The following PEX5 variants were observed in gnomAD, a reference collection of about 807,000 sequenced individuals.
The protein encoded by PEX5 is peroxisomal biogenesis factor 5, also known as PTS1 receptor.
Under a neutral mutation model 82.9 loss-of-function variants are expected in PEX5, and 52 were observed. The ratio of observed to expected loss-of-function variants is 0.63; its 90% CI spans 0.50 to 0.79. PEX5 has a LOEUF of 0.79. Ranked by LOEUF, PEX5 falls within the 30% of genes least tolerant of loss-of-function variation. The probability of loss-of-function intolerance (pLI) is 0.00; values close to 1 mark genes in which losing one functional copy is unlikely to be tolerated. For synonymous variants in PEX5, 300 were observed against 318.8 expected (o/e 0.94, Z 0.63); for missense variants, 719 against 815.2 (o/e 0.88, Z 1.44).
chr12:7,197,327 C>T (rs547218865), intron 5 of PEX5, among the ~76,000 whole-genome samples: 14 of 33,910 alleles, frequency 4.1e-4, no homozygotes, highest in South Asian at 3.3e-3. Context: ...ATGTCATATA[C>T]AATGTAATAA....
At chr12:7,191,728 T>C (rs1941166745) in intron 5 of PEX5, 28 bp downstream of exon 5, 5 of 1,605,148 alleles carry the variant, frequency 3.1e-6, no homozygotes, top group East Asian at 2.2e-5. Flanking sequence ...AAAATCTATA[T>C]TGGCTTCTAT....
rs1344746933 is a variant in PEX5, at chr12:7,210,748, G to A, written c.*525G>A. ...TTTGGCTGAGCAGAGCTGAGTTTTG[G>A]TAGGAGTGCTCATGGTTCTGTCATT... On this transcript the variant is annotated 3_prime_UTR_variant, in exon 16 of 16. Coordinates refer to ENST00000675855, the MANE Select transcript of PEX5 (RefSeq NM_001351132.2). 2 of 233,224 alleles carry A rather than the reference G, an allele frequency of 8.6e-6. No homozygotes were observed. Among genetic ancestry groups the A allele is most frequent in the East Asian group, 2.1e-4 (2 of 9,454 alleles). 14.4% of individuals were successfully genotyped at this position (233,224 alleles called of 1,614,324 possible). A position where few individuals can be genotyped will look rare whatever the true frequency, so the allele number is the denominator to read the frequency against.
At position 7,190,477 on chromosome 12, in the gene PEX5, G is replaced by A; in HGVS notation, c.100G>A (p.Gly34Arg). ...CCAGGACAAGGCCCTTCGGCAGGAG[G>A]GATTGAGGCCTGGCCCCTGGCCCCC... ...FTQDKALRQE[G>R]LRPGPWPPGA... Residue 34 changes from glycine (G) to arginine (R), a missense_variant, in exon 2 of 16, where the codon GGA (glycine) becomes AGA (arginine). By Grantham distance (125) the Gly-to-Arg change is moderately radical. Transcript: ENST00000675855. The A allele has an allele frequency of 1.2e-6, 2 of 1,614,102 alleles. No individual in the cohort carries two copies. The highest frequency in any genetic ancestry group is 1.1e-5 in the South Asian group (1 of 91,080).
downstream of PEX5, among the ~76,000 whole-genome samples, chr12:7,216,388 G>A (rs1320410626): frequency 2.6e-5 from 4 of 152,216 alleles, no homozygotes; most frequent in Admixed American, 6.5e-5. Context: ...ATTTAATCTA[G>A]TATTTTAGAA....
rs1357641905 is a variant in PEX5 at position 7,211,170 on chromosome 12, T to A, written c.*947T>A. ...TGTTACCATAAGCCTTTGCTGTACT[T>A]CTTGAAATGTTTCTAGGGGAGAGCA... On this transcript the variant is annotated 3_prime_UTR_variant, in exon 16 of 16. Transcript: ENST00000675855. The A allele has an allele frequency of 6.6e-6, 1 of 152,580 alleles. No homozygotes were observed. Among genetic ancestry groups the A allele is most frequent in the Admixed American group, 6.5e-5 (1 of 15,284 alleles). 9.5% of individuals were successfully genotyped at this position (152,580 alleles called of 1,614,324 possible).
rs200550340 is a variant in PEX5 at position 7,209,083 on chromosome 12, G to T, written c.1473G>T (p.Gln491His). ...LDPTSIDPDV[Q>H]CGLGVLFNLS... ...CTACCTCCATTGACCCTGATGTGCA[G>T]TGTGGCTTGGGAGTCCTTTTCAACC... Residue 491 changes from glutamine to histidine, a missense_variant, in exon 14 of 16, where the codon CAG becomes CAT. Gln to His is a conservative substitution (Grantham distance 24). Transcript: ENST00000675855. The T allele has an allele frequency of 6.2e-7, 1 of 1,614,156 alleles. No individual in the cohort carries two copies. Among genetic ancestry groups the T allele is most frequent in the African/African-American group, 1.3e-5 (1 of 75,040 alleles).
At chr12:7,215,989 T>G (rs374293063), downstream of PEX5, among the ~76,000 whole-genome samples, 1 of 152,310 alleles carries the variant, frequency 6.6e-6, no homozygotes, top group African/African-American at 2.4e-5. Flanking sequence ...TTTTTTGAGA[T>G]GGAGTTTCAC....
At chr12:7,202,038 C>A (rs1944132183) in intron 7 of PEX5, 197 bp downstream of exon 7, 1 of 828,322 alleles carries the variant, frequency 1.2e-6, no homozygotes, top group Admixed American at 2.2e-5. Context: ...CCTACTAACT[C>A]TTTTTTCTGA....
rs1565693468 is a variant in PEX5, at chr12:7,199,073, CTG to C, written c.514_515del (p.Trp172AlafsTer5). 1.2e-6 allele frequency: 2 copies of C among 1,609,776 alleles called. No homozygotes were observed. Among genetic ancestry groups the C allele is most frequent in the Non-Finnish European group, 1.7e-6 (2 of 1,177,706 alleles). ...EEYLEQSEEK[L>X]WLGEPEGTAT... ...ATATTTGGAGCAATCAGAGGAGAAG[CTG>C]TGGCTGGGAGAACCTGAGGGAACAG... On this transcript the variant is annotated frameshift_variant, in exon 6 of 16. Coordinates refer to ENST00000675855, the MANE Select transcript of PEX5 (RefSeq NM_001351132.2). LOFTEE classifies it high-confidence loss of function.
At chr12:7,208,871 C>T (rs748714764) in intron 13 of PEX5, 134 bp from the exon 14 acceptor site, 14 of 960,792 alleles carry the variant, frequency 1.5e-5, no homozygotes, top group Non-Finnish European at 2.4e-5. Context: ...CTATATTGGA[C>T]TTTGAGAGTA....
intron 15 of PEX5, 86 bp downstream of exon 15, chr12:7,209,926 T>C: frequency 6.3e-7 from 1 of 1,594,896 alleles, no homozygotes; most frequent in East Asian, 2.2e-5. Flanking sequence ...CCTGTTTGAC[T>C]AACCAGCCCT....
rs1348750268 is a variant in PEX5, at chr12:7,201,153, A to G, written c.552-598A>G. 4.5e-4 allele frequency among the ~76,000 whole-genome samples: 22 copies of G among 48,764 alleles called. No homozygotes were observed. The Admixed American group carries it at 5.8e-3, about 13-fold the overall frequency. 32.0% of individuals were successfully genotyped at this position (48,764 alleles called of 152,430 possible). On this transcript the variant is annotated intron_variant, in intron 6 of 15. Transcript: ENST00000675855. Reference sequence around the variant, plus strand: ...TGTGCGTGCACACACACACACGCACACACATATATACACACATACACATAT... The same window carrying G: ...TGTGCGTGCACACACACACACGCACGCACATATATACACACATACACATAT...
chr12:7,208,733 C>A (rs1945144218), intron 13 of PEX5, 64 bp downstream of exon 13: 1 of 1,419,286 alleles, frequency 7.0e-7, no homozygotes, highest in South Asian at 1.2e-5. Context: ...GGAGGGTGAC[C>A]TTGGTTTTGG....
chr12:7,195,435 G>A (rs976004028), intron 5 of PEX5, among the ~76,000 whole-genome samples: 1 of 152,092 alleles, frequency 6.6e-6, no homozygotes, highest in African/African-American at 2.4e-5. Flanking sequence ...GTTGGAGTAG[G>A]TTCCCAATGC....
Position 7,201,741 on chromosome 12 carries a change from C to T in PEX5, c.552-10C>T. 2.5e-6 allele frequency: 4 copies of T among 1,603,374 alleles called. No homozygotes were observed. Among genetic ancestry groups the T allele is most frequent in the Non-Finnish European group, 3.4e-6 (4 of 1,170,326 alleles). ...GACTAATGTGTAAAATTAGTTCTTA[C>T]CCGTTCCAGGTATGATGAATATCAT... On this transcript the variant is annotated splice_polypyrimidine_tract_variant and intron_variant, in intron 6 of 15. Transcript: ENST00000675855.
rs773262711 is a variant in PEX5, at chr12:7,190,348, C to T, written c.-16-14C>T. On this transcript the variant is annotated splice_polypyrimidine_tract_variant and intron_variant, in intron 1 of 15. Coordinates refer to ENST00000675855, the MANE Select transcript of PEX5 (RefSeq NM_001351132.2). ...GCTTGGGTACCTCAGTTCCAAACCT[C>T]CTGTGTCCATCAGAGAGCTGGCGGT... The T allele has an allele frequency of 6.2e-7, 1 of 1,613,852 alleles. No individual in the cohort carries two copies. The highest frequency in any genetic ancestry group is 1.1e-5 in the South Asian group (1 of 91,078).
At chr12:7,212,473 AAAAAAAAAAAAAAAACCCAAAAAAC>A (rs1174530232), downstream of PEX5, among the ~76,000 whole-genome samples, 1 of 65,980 alleles carries the variant, frequency 1.5e-5, no homozygotes, top group Non-Finnish European at 3.6e-5. Flanking sequence ...AGAAAAAAAA[AAAAAAAAAAAAAAAACCCAAAAAAC>A]AAAAAAAACA....
chr12:7,198,569 G>A (rs140027815), intron 5 of PEX5, among the ~76,000 whole-genome samples: 475 of 152,240 alleles, frequency 3.1e-3, no homozygotes, highest in African/African-American at 9.8e-3. Flanking sequence ...GGGATTGTGT[G>A]AACTCTGGGT....
intron 10 of PEX5, among the ~76,000 whole-genome samples, chr12:7,203,866 T>C (rs1220601445): frequency 1.3e-5 from 2 of 152,162 alleles, no homozygotes; most frequent in Admixed American, 1.3e-4. Context: ...GATTGGGAGC[T>C]TTTTGAGAAG....
Sources: gnomAD v4.1 joint callset for allele counts (sites outside exome capture counted in the v4.1 genomes callset) on GRCh38, gnomAD v4.1.1 for gene constraint, MANE v1.5 for transcripts, NCBI Gene and HGNC (gene_info 2026-07-23, HGNC 2026-07-21) for gene names.